The following ARMCX4 variants were observed in gnomAD, a reference collection of about 807,000 sequenced individuals.
ARMCX4 encodes armadillo repeat-containing X-linked protein 4.
In ARMCX4, 3 loss-of-function variants were observed where a neutral mutation model predicts 34.7. The observed-to-expected ratio is 0.09, with a 90% confidence interval of 0.04 to 0.22. The LOEUF is 0.22. Ranked by LOEUF, ARMCX4 falls within the 10% of genes least tolerant of loss-of-function variation. ARMCX4 has a pLI of 1.00. For missense variants in ARMCX4, 1,448 were observed against 1,720.8 expected, an observed-to-expected ratio of 0.84 and a Z score of 2.81; for synonymous variants, 513 against 632.8, an observed-to-expected ratio of 0.81 and a Z score of 2.84.
intron 1 of ARMCX4, among the ~76,000 whole-genome samples, chrX:101,485,786 A>G (rs1556006634): frequency 1.8e-5 from 2 of 112,211 alleles, no homozygotes; most frequent in African/African-American, 3.2e-5. Context: ...CACTGGCCAC[A>G]CATGTCCGCT....
chrX:101,471,435 G>A (rs929680101), intron 4 of ARMCX4, among the ~76,000 whole-genome samples: 4 of 112,152 alleles, frequency 3.6e-5, no homozygotes, highest in Non-Finnish European at 7.5e-5. Flanking sequence ...GAAACCTTAT[G>A]GCTTTGGCTT....
rs112254359 is a variant in ARMCX4, at chrX:101,421,994, A to G, written n.164+2994A>G. Among the ~76,000 whole-genome samples the G allele has an allele frequency of 1.0e-3, 78 of 76,961 alleles. No individual in the cohort carries two copies. The South Asian group carries it at 0.011, about 10-fold the overall frequency. 66.8% of individuals were successfully genotyped at this position (76,961 alleles called of 115,157 possible). A position where few individuals can be genotyped will look rare whatever the true frequency, so the allele number is the denominator to read the frequency against. Reference sequence around the variant, plus strand: ...TCCCAGAGCATTTGGGGGATCAGTTATTATTATTATTATTATTATTATTAT... The same window carrying G: ...TCCCAGAGCATTTGGGGGATCAGTTGTTATTATTATTATTATTATTATTAT... On this transcript the variant is annotated intron_variant and non_coding_transcript_variant, in intron 2 of 3. Transcript: ENST00000430461.
At chrX:101,443,860 G>A in intron 2 of ARMCX4, 1 of 365,560 alleles carries the variant, frequency 2.7e-6, no homozygotes, top group Non-Finnish European at 5.3e-6. Flanking sequence ...CATTTGCGTT[G>A]GGTCCAGCAT....
intron 11 of ARMCX4, among the ~76,000 whole-genome samples, chrX:101,529,388 A>G (rs1935064448): frequency 8.9e-6 from 1 of 111,977 alleles, no homozygotes; most frequent in Non-Finnish European, 1.9e-5. Flanking sequence ...CCCTAGAAGA[A>G]AACCTAGGCA....
intron 2 of ARMCX4, among the ~76,000 whole-genome samples, chrX:101,428,097 A>G (rs1331104666): frequency 8.9e-6 from 1 of 112,247 alleles, no homozygotes; most frequent in Non-Finnish European, 1.9e-5. Flanking sequence ...GTTCTTACCA[A>G]TTTTATTTAT....
At chrX:101,437,209 C>A (rs1555995101) in intron 2 of ARMCX4, among the ~76,000 whole-genome samples, 4 of 111,910 alleles carry the variant, frequency 3.6e-5, no homozygotes, top group Non-Finnish European at 5.6e-5. Context: ...GGAATAGTTT[C>A]AGAAGGAATG....
chrX:101,501,521 C>T (rs1934298370), intron 7 of ARMCX4, among the ~76,000 whole-genome samples: 1 of 112,359 alleles, frequency 8.9e-6, no homozygotes, highest in Non-Finnish European at 1.9e-5. Context: ...GCTCCACAGG[C>T]AAAGCAGCCT....
chrX:101,494,169 T>C lies in ARMCX4; in HGVS notation c.5580T>C (p.Thr1860=). Reference sequence around the variant, plus strand: ...GGTCCTGGGATGGAGATGCAACCACTGTAGAGTCTAGGCTTGGGGCTGGGG... The same window carrying C: ...GGTCCTGGGATGGAGATGCAACCACCGTAGAGTCTAGGCTTGGGGCTGGGG... ...GIWSWDGDAT[T]VESRLGAGEE... Residue 1860 remains threonine (T), a synonymous_variant, in exon 6 of 6, where the codon ACT becomes ACC. Coordinates refer to ENST00000423738, the MANE Select transcript of ARMCX4 (RefSeq NM_001256155.3). The C allele has an allele frequency of 9.2e-7, 1 of 1,091,993 alleles. No homozygotes were observed. The highest frequency in any genetic ancestry group is 2.1e-5 in the South Asian group (1 of 46,688). The allele number at this position is 1,091,993 out of a possible 1,213,427, so 90.0% of individuals were successfully genotyped here.
intron 3 of ARMCX4, among the ~76,000 whole-genome samples, chrX:101,445,806 G>A (rs1931586733): frequency 9.0e-6 from 1 of 110,876 alleles, no homozygotes; most frequent in African/African-American, 3.3e-5. Context: ...GAGAGGGTGG[G>A]TATGTGGCGC....
intron 4 of ARMCX4, among the ~76,000 whole-genome samples, chrX:101,453,476 T>C (rs1405916195): frequency 1.8e-5 from 2 of 111,940 alleles, no homozygotes; most frequent in African/African-American, 6.5e-5. Context: ...CTAAGCTGCA[T>C]GTCTAACAGG....
intron 11 of ARMCX4, among the ~76,000 whole-genome samples, chrX:101,528,513 T>C: frequency 1.8e-5 from 2 of 111,352 alleles, no homozygotes. Context: ...AAATAAAGTG[T>C]ATTCAATTAG....
chrX:101,473,036 C>T (rs1483768637), intron 4 of ARMCX4, among the ~76,000 whole-genome samples: 2 of 110,938 alleles, frequency 1.8e-5, no homozygotes, highest in East Asian at 2.8e-4. Flanking sequence ...ATTCAAGACC[C>T]GTCAGTGTGC....
chrX:101,535,387 T>G (rs781828476), downstream of ARMCX4, among the ~76,000 whole-genome samples: 10 of 111,779 alleles, frequency 8.9e-5, no homozygotes, highest in South Asian at 3.8e-3. Context: ...ATCTGAGAAC[T>G]AATGCCCTGT....
chrX:101,504,243 T>C, intron 7 of ARMCX4, among the ~76,000 whole-genome samples: 1 of 111,106 alleles, frequency 9.0e-6, no homozygotes, highest in Non-Finnish European at 1.9e-5. Flanking sequence ...TTTGTTCTTT[T>C]GGCTTAGGAT....
chrX:101,454,009 C>T (rs181960178), intron 4 of ARMCX4, among the ~76,000 whole-genome samples: 15 of 110,465 alleles, frequency 1.4e-4, no homozygotes, highest in Admixed American at 2.9e-4. Context: ...AGAGATATAG[C>T]GTCGTTACCC....
Position 101,525,502 on chromosome X carries a change from T to C in ARMCX4, c.*1781-6142T>C, listed in dbSNP as rs782559849. 2.0e-3 allele frequency among the ~76,000 whole-genome samples: 222 copies of C among 111,749 alleles called. 1 individual carries two copies. Among genetic ancestry groups the C allele is most frequent in the African/African-American group, 6.5e-3 (201 of 30,753 alleles). On this transcript the variant is annotated intron_variant and NMD_transcript_variant, in intron 11 of 12. Coordinates refer to the ARMCX4 transcript ENST00000354842. ...GTTGACAAAAGTAGGCTTCAGAAGATTGGTAATAACAAACTTCTCTGAGCT... is the reference window on the plus strand; with the variant it reads ...GTTGACAAAAGTAGGCTTCAGAAGACTGGTAATAACAAACTTCTCTGAGCT...
At chrX:101,477,781 T>G in intron 4 of ARMCX4, among the ~76,000 whole-genome samples, 1 of 111,674 alleles carries the variant, frequency 9.0e-6, no homozygotes, top group East Asian at 2.8e-4. Flanking sequence ...TCCAGCAGTT[T>G]ATTAAAAAAA....
In ARMCX4 at chrX:101,492,129, G is replaced by C. The variant is rs1556009515; in HGVS notation, c.3540G>C (p.Trp1180Cys). The stretch of plus-strand genomic sequence containing the variant: ...AGAATGTGGTTGGTATTGGGACTTG[G>C]GCTAGAGCTGGGGAGCAGGCCAGTG... Reference protein sequence around the residue: ...RAENVVGIGTWARAGEQASGG... With the variant: ...RAENVVGIGTCARAGEQASGG... Residue 1180 changes from tryptophan (W) to cysteine (C), a missense_variant, in exon 6 of 6, where the codon TGG becomes TGC. Trp to Cys is a radical substitution (Grantham distance 215, BLOSUM62 -2). Around this residue, in one of 2 missense-constraint regions of ARMCX4, gnomAD observed 1,343 missense variants for 1,540.7 expected, o/e 0.87. Coordinates refer to ENST00000423738, the MANE Select transcript of ARMCX4 (RefSeq NM_001256155.3). 8.7e-7 allele frequency: 1 copy of C among 1,153,658 alleles called. No individual in the cohort carries two copies. The highest frequency in any genetic ancestry group is 1.8e-5 in the African/African-American group (1 of 55,943).
downstream of ARMCX4, among the ~76,000 whole-genome samples, chrX:101,500,001 G>A (rs782559491): frequency 8.9e-6 from 1 of 112,035 alleles, no homozygotes; most frequent in Admixed American, 9.4e-5. Flanking sequence ...ACCCTACAAC[G>A]CATGTGTAGT....
Sources: allele counts gnomAD v4.1 joint callset (sites outside exome capture counted in the v4.1 genomes callset), GRCh38; gene constraint gnomAD v4.1.1; regional missense constraint gnomAD v4.1.1; transcripts MANE v1.5; gene names NCBI Gene and HGNC (gene_info 2026-07-23, HGNC 2026-07-21).